Variants in CD209 observed in about 807,000 individuals in gnomAD.
The protein encoded by CD209 is CD209 antigen.
CD209 carries 31 observed loss-of-function variants against 44.7 expected under a neutral mutation model. That is an observed-to-expected ratio of 0.69 (90% confidence interval 0.52 to 0.94). CD209 has a LOEUF of 0.94. CD209 is among the 40% of genes least tolerant of loss of function. The pLI is 0.00. For synonymous variants in CD209, 173 were observed against 181.3 expected (o/e 0.95, Z 0.37); for missense variants, 407 against 452.4 (o/e 0.90, Z 0.91).
rs760309237 is a variant in CD209 at position 7,742,151 on chromosome 19, T to C, written c.*888A>G. On this transcript the variant is annotated 3_prime_UTR_variant, in exon 7 of 7. Transcript: ENST00000315599. The stretch of plus-strand genomic sequence containing the variant: ...GAGTCCCAAATCCCAATAAACCTGT[T>C]TTATTCTTACAAAAAATAATAGGCC... 8.2e-5 allele frequency: 17 copies of C among 207,102 alleles called. 1 individual carries two copies. The highest frequency in any genetic ancestry group is 1.7e-4 in the Non-Finnish European group (16 of 92,210). The allele number at this position is 207,102 out of a possible 1,614,324, so 12.8% of individuals were successfully genotyped here.
chr19:7,746,385 T>C (rs2033823969), intron 3 of CD209, 75 bp downstream of exon 3: 2 of 1,511,936 alleles, frequency 1.3e-6, no homozygotes, highest in Non-Finnish European at 1.8e-6. Flanking sequence ...CCCTCCCAGA[T>C]CTGGCAGCCC....
chr19:7,745,474 A>G (rs777697218), intron 4 of CD209, 44 bp downstream of exon 4: 2 of 1,611,880 alleles, frequency 1.2e-6, no homozygotes, highest in Non-Finnish European at 1.7e-6. Flanking sequence ...CACACCACAC[A>G]ACGACCATCT....
chr19:7,740,972 C>T lies in CD209; in HGVS notation c.*2067G>A. 1 of 707,500 alleles carries T rather than the reference C, an allele frequency of 1.4e-6. No homozygotes were observed. The highest frequency in any genetic ancestry group is 1.6e-5 in the South Asian group (1 of 63,736). The allele number at this position is 707,500 out of a possible 1,614,324, so 43.8% of individuals were successfully genotyped here. On this transcript the variant is annotated 3_prime_UTR_variant, in exon 7 of 7. Coordinates refer to ENST00000315599, the MANE Select transcript of CD209 (RefSeq NM_021155.4). ...GTTAATTGTCCCTTCTACAGTAAAA[C>T]AGGAGCTTGCAGATTTGGAGATAGA...
chr19:7,742,996 G>C lies in CD209; in HGVS notation c.*43C>G, dbSNP rs1363176704. 2.1e-6 allele frequency: 3 copies of C among 1,445,004 alleles called. No homozygotes were observed. In the African/African-American group the frequency reaches 4.2e-5, roughly 20 times the overall value. 89.5% of individuals were successfully genotyped at this position (1,445,004 alleles called of 1,614,324 possible). A position where few individuals can be genotyped will look rare whatever the true frequency, so the allele number is the denominator to read the frequency against. On this transcript the variant is annotated 3_prime_UTR_variant, in exon 7 of 7. Transcript: ENST00000315599. ...CCCAGAGATTTTGTGAAGGTCGAAG[G>C]ATGGAGAGAAGGAACTGTAGCTTAA...
At chr19:7,747,085 A>AGTC (rs2033862275) in intron 2 of CD209, among the ~76,000 whole-genome samples, 1 of 146,868 alleles carries the variant, frequency 6.8e-6, no homozygotes, top group Non-Finnish European at 1.5e-5. Flanking sequence ...CCAGGCTTCA[A>AGTC]CTTCTACCTC....
chr19:7,744,384 A>T (rs1354710559), intron 5 of CD209, among the ~76,000 whole-genome samples, 165 bp from the exon 6 acceptor site: 4 of 152,118 alleles, frequency 2.6e-5, no homozygotes, highest in Non-Finnish European at 5.9e-5. Flanking sequence ...TGTGTATCCC[A>T]CGGCACATGT....
Position 7,745,025 on chromosome 19 carries a change from G to A in CD209, c.816C>T (p.Asn272=). 1 of 1,614,252 alleles carries A rather than the reference G, an allele frequency of 6.2e-7. No homozygotes were observed. The highest frequency in any genetic ancestry group is 8.5e-7 in the Non-Finnish European group (1 of 1,180,050). The change falls in exon 5 of 7, where the codon AAC becomes AAT. Residue 272 remains asparagine, a synonymous_variant. Coordinates refer to ENST00000315599, the MANE Select transcript of CD209 (RefSeq NM_021155.4). ...TGGAGTCGTGCCAGTTCCGCTGGGA[G>A]TTAGACATGAAGTAACAGTTTCCTT... ...FFQGNCYFMS[N]SQRNWHDSIT...
rs115426752 is a variant in CD209, at chr19:7,744,936, T to G, written c.900+5A>C. The G allele has an allele frequency of 6.2e-4, 1,006 of 1,614,136 alleles. 4 individuals carry two copies. In the African/African-American group the frequency reaches 0.012, roughly 19 times the overall value. ...GGCCAGGACGGGGACCCCCACCAGG[T>G]GTACCTGCTCCTCAGCACTTTTGAT... is the stretch of plus-strand genomic sequence containing the variant. On this transcript the variant is annotated splice_donor_5th_base_variant and intron_variant, in intron 5 of 6. Coordinates refer to ENST00000315599, the MANE Select transcript of CD209 (RefSeq NM_021155.4).
At position 7,746,541 on chromosome 19, in the gene CD209, G is replaced by T; in HGVS notation, c.107-10C>A. 6.2e-7 allele frequency: 1 copy of T among 1,613,468 alleles called. No homozygotes were observed. Among genetic ancestry groups the T allele is most frequent in the African/African-American group, 1.3e-5 (1 of 74,984 alleles). On this transcript the variant is annotated splice_polypyrimidine_tract_variant and intron_variant, in intron 2 of 6. Coordinates refer to ENST00000315599, the MANE Select transcript of CD209 (RefSeq NM_021155.4). ...CCATGGCCAAGACACCCTGAGAGAG[G>T]ATACATGCGTCAGCCTGCCAGTGTC...
rs1255037115 is a variant in CD209 at position 7,742,355 on chromosome 19, G to A, written c.*684C>T. Reference sequence around the variant, plus strand: ...GCCTGTAATTCCAGCTACTCGTGAGGCTGAGGCAGGAGAATCACTTGAACC... The same window carrying A: ...GCCTGTAATTCCAGCTACTCGTGAGACTGAGGCAGGAGAATCACTTGAACC... On this transcript the variant is annotated 3_prime_UTR_variant, in exon 7 of 7. Transcript: ENST00000315599. 1 of 152,538 alleles carries A rather than the reference G, an allele frequency of 6.6e-6. No homozygotes were observed. The highest frequency in any genetic ancestry group is 1.5e-5 in the Non-Finnish European group (1 of 68,378). The allele number at this position is 152,538 out of a possible 1,614,324, so 9.4% of individuals were successfully genotyped here. A position where few individuals can be genotyped will look rare whatever the true frequency, so the allele number is the denominator to read the frequency against.
In CD209 at chr19:7,743,025, G is replaced by A; in HGVS notation, c.*14C>T. 1.3e-6 allele frequency: 2 copies of A among 1,587,706 alleles called. No individual in the cohort carries two copies. Among genetic ancestry groups the A allele is most frequent in the Non-Finnish European group, 1.7e-6 (2 of 1,156,492 alleles). On this transcript the variant is annotated 3_prime_UTR_variant, in exon 7 of 7. Coordinates refer to ENST00000315599, the MANE Select transcript of CD209 (RefSeq NM_021155.4). ...GAGAGAAGGAACTGTAGCTTAAAAG[G>A]GGGTGAAGTTCTGCTACGCAGGAGG...
rs1177186434 is a variant in CD209, at chr19:7,746,085, A to G, written c.181T>C (p.Ser61Pro). 4 of 1,613,482 alleles carry G rather than the reference A, an allele frequency of 2.5e-6. No individual in the cohort carries two copies. The South Asian group carries it at 3.3e-5, about 13-fold the overall frequency. Reference sequence around the variant, plus strand: ...TGACTTATGGAGCTGGGGACCTTGGACACTGGGCCAAGAAAAAAAAGGAAC... The same window carrying G: ...TGACTTATGGAGCTGGGGACCTTGGGCACTGGGCCAAGAAAAAAAAGGAAC... ...TLLAGLLVQV[S>P]KVPSSISQEQ... is the part of the protein sequence containing the mutation. The change falls in exon 4 of 7, where the codon TCC becomes CCC. Residue 61 changes from serine (S) to proline (P), a missense_variant and splice_region_variant. Around this residue, in one of 3 missense-constraint regions of CD209, gnomAD observed 122 missense variants for 110.3 expected, o/e 1.11. Coordinates refer to ENST00000315599, the MANE Select transcript of CD209 (RefSeq NM_021155.4).
At chr19:7,746,121 A>C (rs1431309928) in intron 3 of CD209, 34 bp from the exon 4 acceptor site, 12 of 1,612,506 alleles carry the variant, frequency 7.4e-6, no homozygotes, top group Non-Finnish European at 1.0e-5. Flanking sequence ...TGCAATTATT[A>C]AACACCTACT....
intron 6 of CD209, 101 bp from the exon 7 acceptor site, chr19:7,743,341 T>C: frequency 9.8e-7 from 1 of 1,024,720 alleles, no homozygotes; most frequent in South Asian, 1.3e-5. Context: ...GCCCTGCGTG[T>C]GTATGCTGGA....
In CD209 at chr19:7,742,118, A is replaced by C; in HGVS notation, c.*921T>G. On this transcript the variant is annotated 3_prime_UTR_variant, in exon 7 of 7. Coordinates refer to ENST00000315599, the MANE Select transcript of CD209 (RefSeq NM_021155.4). ...GAGGAGATCAGGTAGTAGAGACAGAACTGTTCAGAGTCCCAAATCCCAATA... is the reference window on the plus strand; with the variant it reads ...GAGGAGATCAGGTAGTAGAGACAGACCTGTTCAGAGTCCCAAATCCCAATA... The C allele has an allele frequency of 3.8e-6, 1 of 262,792 alleles. No homozygotes were observed. Among genetic ancestry groups the C allele is most frequent in the South Asian group, 6.1e-5 (1 of 16,508 alleles). 16.3% of individuals were successfully genotyped at this position (262,792 alleles called of 1,614,324 possible). A position where few individuals can be genotyped will look rare whatever the true frequency, so the allele number is the denominator to read the frequency against.
chr19:7,743,057 T>C lies in CD209; in HGVS notation c.1197A>G (p.Pro399=). The change falls in exon 7 of 7, where the codon CCA becomes CCG. Residue 399 remains proline (P), a synonymous_variant. Transcript: ENST00000315599. ...AGTTCTGCTACGCAGGAGGGGGGTTTGGGGTGGCAGGGGCTGGAGAAAGAA... is the reference window on the plus strand; with the variant it reads ...AGTTCTGCTACGCAGGAGGGGGGTTCGGGGTGGCAGGGGCTGGAGAAAGAA... ...EQFLSPAPAT[P]NPPPA is the part of the protein sequence containing the mutation. 6.3e-7 allele frequency: 1 copy of C among 1,595,250 alleles called. No homozygotes were observed. The highest frequency in any genetic ancestry group is 8.6e-7 in the Non-Finnish European group (1 of 1,168,126).
intron 6 of CD209, 150 bp downstream of exon 6, chr19:7,743,956 TG>T: frequency 1.6e-6 from 1 of 636,156 alleles, no homozygotes; most frequent in South Asian, 1.9e-5. Flanking sequence ...TGTCTGGAAG[TG>T]GGTATGAAGA....
chr19:7,740,660 TGAG>T lies in CD209; in HGVS notation c.*2376_*2378del. 1.3e-6 allele frequency: 1 copy of T among 778,054 alleles called. No individual in the cohort carries two copies. Among genetic ancestry groups the T allele is most frequent in the East Asian group, 2.4e-5 (1 of 41,066 alleles). The allele number at this position is 778,054 out of a possible 1,614,324, so 48.2% of individuals were successfully genotyped here. On this transcript the variant is annotated 3_prime_UTR_variant, in exon 7 of 7. Coordinates refer to ENST00000315599, the MANE Select transcript of CD209 (RefSeq NM_021155.4). ...GGGGAAGAGAGAGGCAAAGATTACA[TGAG>T]GAGTGGTTGCTGAGAGAGCAGAAGG...
At chr19:7,746,632 C>T in intron 2 of CD209, 101 bp from the exon 3 acceptor site, 4 of 1,145,056 alleles carry the variant, frequency 3.5e-6, no homozygotes, top group Non-Finnish European at 5.2e-6. Context: ...CCCAGGAACC[C>T]CAGCCCCAGC....
Sources: gnomAD v4.1 joint callset for allele counts (sites outside exome capture counted in the v4.1 genomes callset) on GRCh38, gnomAD v4.1.1 for gene constraint, gnomAD v4.1.1 regional missense constraint, MANE v1.5 for transcripts, NCBI Gene and HGNC (gene_info 2026-07-23, HGNC 2026-07-21) for gene names.